The following GALNT13 variants were observed in gnomAD, a reference collection of about 807,000 sequenced individuals.
GALNT13 encodes polypeptide N-acetylgalactosaminyltransferase 13.
In GALNT13, 28 loss-of-function variants were observed where a neutral mutation model predicts 64.2. The observed-to-expected ratio is 0.44, with a 90% confidence interval of 0.32 to 0.60. The LOEUF is 0.60. Among genes scored for constraint, GALNT13 ranks in the 20% least tolerant of loss-of-function variants. The pLI is 0.05. For synonymous variants in GALNT13, 214 were observed against 224.6 expected, an observed-to-expected ratio of 0.95 and a Z score of 0.42; for missense variants, 577 against 669.8, an observed-to-expected ratio of 0.86 and a Z score of 1.53.
the GALNT13 span, among the ~76,000 whole-genome samples, chr2:153,149,083 C>G: frequency 6.6e-6 from 1 of 151,806 alleles, no homozygotes; most frequent in Admixed American, 6.6e-5. Context: ...AGTCTTAGGA[C>G]CAGTTAAAAA....
chr2:153,622,040 C>G, the GALNT13 span, among the ~76,000 whole-genome samples: 2 of 152,068 alleles, frequency 1.3e-5, no homozygotes, highest in African/African-American at 4.8e-5. Context: ...ATAAAGGAAG[C>G]CCCAAACTGG....
Position 153,888,557 on chromosome 2 carries a change from C to T in GALNT13, c.-176-12379C>T, listed in dbSNP as rs538679776. Among the ~76,000 whole-genome samples, 11 of 152,044 alleles carry T rather than the reference C, an allele frequency of 7.2e-5. No individual in the cohort carries two copies. In the South Asian group the frequency reaches 2.1e-3, roughly 29 times the overall value. On this transcript the variant is annotated intron_variant, in intron 1 of 12. Transcript: ENST00000392825. ...AATGTTGGGTCCTCATTTGCATTTCCTTAGTGCTCCTGTTTCATTCCATCT... is the reference window on the plus strand; with the variant it reads ...AATGTTGGGTCCTCATTTGCATTTCTTTAGTGCTCCTGTTTCATTCCATCT...
At chr2:153,835,759 C>T in the GALNT13 span, among the ~76,000 whole-genome samples, 58 of 152,084 alleles carry the variant, frequency 3.8e-4, no homozygotes, top group Non-Finnish European at 1.5e-5. Flanking sequence ...TATTAAAATA[C>T]TTTAAATATA....
At chr2:153,974,100 C>A (rs1558883566) in intron 3 of GALNT13, among the ~76,000 whole-genome samples, 1 of 152,074 alleles carries the variant, frequency 6.6e-6, no homozygotes, top group African/African-American at 2.4e-5. Flanking sequence ...CCCTACCAAT[C>A]TTTTCTCCAC....
chr2:154,037,398 C>G (rs1015159282), intron 3 of GALNT13, among the ~76,000 whole-genome samples: 2 of 152,020 alleles, frequency 1.3e-5, no homozygotes, highest in Non-Finnish European at 2.9e-5. Flanking sequence ...ACATGGGTTT[C>G]CCATACTGAA....
chr2:153,852,364 T>G, the GALNT13 span, among the ~76,000 whole-genome samples: 1 of 152,140 alleles, frequency 6.6e-6, no homozygotes. Flanking sequence ...GATTACCAAG[T>G]AAATGATATT....
intron 3 of GALNT13, among the ~76,000 whole-genome samples, chr2:153,978,860 C>T (rs1694255137): frequency 1.3e-5 from 2 of 152,024 alleles, no homozygotes; most frequent in African/African-American, 4.8e-5. Flanking sequence ...CCTTTGCGCC[C>T]AGGAGTTTGA....
At chr2:153,588,668 A>G in the GALNT13 span, among the ~76,000 whole-genome samples, 680 of 152,184 alleles carry the variant, frequency 4.5e-3, 5 homozygotes, top group Non-Finnish European at 5.1e-3. Context: ...CATTGTCCCT[A>G]TTGTCTTGGG....
the GALNT13 span, among the ~76,000 whole-genome samples, chr2:153,828,817 C>A: frequency 6.6e-6 from 1 of 152,162 alleles, no homozygotes; most frequent in African/African-American, 2.4e-5. Flanking sequence ...CTTTTATGCT[C>A]TGCTTCACTT....
At chr2:154,248,734 C>T (rs1339335598) in intron 7 of GALNT13, among the ~76,000 whole-genome samples, 1 of 152,136 alleles carries the variant, frequency 6.6e-6, no homozygotes, top group East Asian at 1.9e-4. Context: ...TTAATAGAAA[C>T]TGCCCATGTA....
At chr2:153,258,369 A>AAAAACAAAACGAAAC in the GALNT13 span, among the ~76,000 whole-genome samples, 1 of 147,042 alleles carries the variant, frequency 6.8e-6, no homozygotes, top group African/African-American at 2.5e-5. Context: ...CTGGTCTCCC[A>AAAAACAAAACGAAAC]AAAACAAAAC....
chr2:154,439,253 C>A (rs1318941725), intron 12 of GALNT13, among the ~76,000 whole-genome samples: 1 of 152,084 alleles, frequency 6.6e-6, no homozygotes, highest in South Asian at 2.1e-4. Context: ...CTCAATATAG[C>A]ACACCTTTCT....
the GALNT13 span, among the ~76,000 whole-genome samples, chr2:153,195,085 G>T: frequency 6.6e-6 from 1 of 152,196 alleles, no homozygotes; most frequent in Non-Finnish European, 1.5e-5. Context: ...GTCAGTAGTG[G>T]CAGTGGGGGG....
the GALNT13 span, among the ~76,000 whole-genome samples, chr2:153,325,393 C>G: frequency 6.6e-6 from 1 of 151,896 alleles, no homozygotes; most frequent in Non-Finnish European, 1.5e-5. Flanking sequence ...CTCTTTTCTT[C>G]TTTATTCATT....
the GALNT13 span, among the ~76,000 whole-genome samples, chr2:153,837,381 T>C: frequency 1.3e-5 from 2 of 152,144 alleles, no homozygotes; most frequent in African/African-American, 4.8e-5. Flanking sequence ...TAAATTTGTT[T>C]GAGTTCATTG....
intron 4 of GALNT13, among the ~76,000 whole-genome samples, chr2:154,222,452 A>G (rs1688372098): frequency 6.6e-6 from 1 of 152,174 alleles, no homozygotes; most frequent in African/African-American, 2.4e-5. Flanking sequence ...AAAATAAAAC[A>G]AAGTACCTTA....
intron 9 of GALNT13, among the ~76,000 whole-genome samples, chr2:154,332,363 C>A (rs533391153): frequency 1.3e-5 from 2 of 152,102 alleles, no homozygotes; most frequent in East Asian, 1.9e-4. Flanking sequence ...ATTCTTGAAT[C>A]TCAGTGAGTC....
Position 154,190,248 on chromosome 2 carries a change from T to A in GALNT13, c.311+49743T>A, listed in dbSNP as rs184557940. On this transcript the variant is annotated intron_variant, in intron 4 of 12. Transcript: ENST00000392825. ...GGCAAGTCAAGGCTCAAAAACTTGA[T>A]GTCTACTGTGATTACAGCTGTTGAC... Among the ~76,000 whole-genome samples, 94 of 152,324 alleles carry A rather than the reference T, an allele frequency of 6.2e-4. 1 individual carries two copies. Among genetic ancestry groups the A allele is most frequent in the Non-Finnish European group, 1.1e-3 (74 of 68,034 alleles).
At chr2:154,236,080 C>A in intron 4 of GALNT13, 1 of 1,221,598 alleles carries the variant, frequency 8.2e-7, no homozygotes. Flanking sequence ...AGTGTACATC[C>A]AGATGACAGA....
Sources: gnomAD v4.1 joint callset for allele counts (sites outside exome capture counted in the v4.1 genomes callset) on GRCh38, gnomAD v4.1.1 for gene constraint, MANE v1.5 for transcripts, NCBI Gene and HGNC (gene_info 2026-07-23, HGNC 2026-07-21) for gene names.